The following PEBP4 variants were observed in gnomAD, a reference collection of about 807,000 sequenced individuals.
The protein encoded by PEBP4 is phosphatidylethanolamine binding protein 4.
Under a neutral mutation model 23.9 loss-of-function variants are expected in PEBP4, and 22 were observed. That is an observed-to-expected ratio of 0.92 (90% CI 0.66 to 1.31). The LOEUF is 1.31. Ranked by LOEUF, PEBP4 falls within the 40% of genes most tolerant of loss-of-function variation. The pLI is 0.00. For missense variants in PEBP4, 324 were observed against 281.7 expected (o/e 1.15, Z -1.07); for synonymous variants, 112 against 99.3 (o/e 1.13, Z -0.76).
chr8:22,804,890 A>G (rs557015879), intron 4 of PEBP4, among the ~76,000 whole-genome samples: 2 of 152,214 alleles, frequency 1.3e-5, no homozygotes, highest in East Asian at 3.9e-4. Flanking sequence ...TGATTCTGGA[A>G]CACGCCAGCT....
chr8:22,727,077 G>T, intron 5 of PEBP4, 98 bp downstream of exon 5: 1 of 1,342,996 alleles, frequency 7.4e-7, no homozygotes, highest in Non-Finnish European at 1.1e-6. Flanking sequence ...CTCTCAGGCT[G>T]GTGCTAGCAC....
Position 22,837,799 on chromosome 8 carries a change from C to CTTGTACCT in PEBP4, c.259-20072_259-20065dup, listed in dbSNP as rs761821927. Among the ~76,000 whole-genome samples, 96 of 151,450 alleles carry CTTGTACCT rather than the reference C, an allele frequency of 6.3e-4. 1 individual carries two copies. Among genetic ancestry groups the CTTGTACCT allele is most frequent in the Non-Finnish European group, 1.1e-3 (74 of 67,912 alleles). ...TTCTTTGAACCCCAATAGCATTTTG[C>CTTGTACCT]TTGTACCTTTGCTGAGGCACCTTCC... On this transcript the variant is annotated intron_variant, in intron 3 of 6. Coordinates refer to ENST00000256404, the MANE Select transcript of PEBP4 (RefSeq NM_144962.3).
At chr8:22,777,165 G>A (rs1318853466) in intron 4 of PEBP4, among the ~76,000 whole-genome samples, 1 of 152,010 alleles carries the variant, frequency 6.6e-6, no homozygotes, top group Non-Finnish European at 1.5e-5. Flanking sequence ...GAGGGTGCTG[G>A]CCCCTTCCTC....
intron 4 of PEBP4, among the ~76,000 whole-genome samples, chr8:22,810,601 C>T (rs1320908997): frequency 6.6e-6 from 1 of 151,824 alleles, no homozygotes; most frequent in Non-Finnish European, 1.5e-5. Flanking sequence ...ACCAGCTGCC[C>T]CCTCAGAGCT....
At chr8:22,829,998 G>A (rs1002396214) in intron 3 of PEBP4, among the ~76,000 whole-genome samples, 1 of 152,120 alleles carries the variant, frequency 6.6e-6, no homozygotes, top group African/African-American at 2.4e-5. Context: ...TGCAGTTGAC[G>A]TGGCAGCCCA....
chr8:22,855,257 G>A (rs369642554), intron 3 of PEBP4, among the ~76,000 whole-genome samples: 18 of 152,260 alleles, frequency 1.2e-4, no homozygotes, highest in African/African-American at 4.1e-4. Context: ...GTCGGTGCAC[G>A]GGTCACACCG....
At chr8:22,765,112 T>TTCCTTC (rs1563209075) in intron 4 of PEBP4, among the ~76,000 whole-genome samples, 2 of 101,762 alleles carry the variant, frequency 2.0e-5, no homozygotes, top group Non-Finnish European at 2.2e-5. Context: ...TTCCTTCCTT[T>TTCCTTC]ATTTCTTCCT....
chr8:22,936,170 C>A (rs1809537349), intron 1 of PEBP4, among the ~76,000 whole-genome samples: 1 of 151,686 alleles, frequency 6.6e-6, no homozygotes, highest in African/African-American at 2.4e-5. Flanking sequence ...TTGACACTAT[C>A]AGCCAGATTA....
chr8:22,923,775 G>A (rs1420031858), intron 2 of PEBP4, among the ~76,000 whole-genome samples: 1 of 152,184 alleles, frequency 6.6e-6, no homozygotes, highest in Non-Finnish European at 1.5e-5. Context: ...CATAAGAGAG[G>A]CTGAAGGGAG....
At chr8:22,823,594 G>C (rs1040003393) in intron 3 of PEBP4, among the ~76,000 whole-genome samples, 1 of 151,500 alleles carries the variant, frequency 6.6e-6, no homozygotes, top group Non-Finnish European at 1.5e-5. Context: ...GAAAATGTCT[G>C]AAAAAATACA....
intron 3 of PEBP4, among the ~76,000 whole-genome samples, chr8:22,875,779 C>G (rs1025337024): frequency 2.0e-5 from 3 of 152,002 alleles, no homozygotes; most frequent in African/African-American, 7.3e-5. Context: ...AGAAACCCGG[C>G]GAAGTCTCAA....
rs1462225042 is a variant in PEBP4 at position 22,728,559 on chromosome 8, T to TCTTTCTTCCTTC, written c.358-1340_358-1339insGAAGGAAGAAAG. ...TTCTTCCTTCCTTTCTTTCTTTCTT[T>TCTTTCTTCCTTC]CTTCCTTCCTTCCTTCCTTCCTTCC... On this transcript the variant is annotated intron_variant, in intron 4 of 6. Transcript: ENST00000256404. Among the ~76,000 whole-genome samples, 528 of 96,300 alleles carry TCTTTCTTCCTTC rather than the reference T, an allele frequency of 5.5e-3. 1 individual carries two copies. Among genetic ancestry groups the TCTTTCTTCCTTC allele is most frequent in the Middle Eastern group, 0.026 (6 of 234 alleles). The allele number at this position is 96,300 out of a possible 152,430, so 63.2% of individuals were successfully genotyped here. A position where few individuals can be genotyped will look rare whatever the true frequency, so the allele number is the denominator to read the frequency against.
At chr8:22,836,124 A>C (rs938100034) in intron 3 of PEBP4, among the ~76,000 whole-genome samples, 1 of 152,238 alleles carries the variant, frequency 6.6e-6, no homozygotes. Flanking sequence ...CAAGTTGCCT[A>C]AACTCTCTGG....
At chr8:22,724,263 G>C (rs1405032324) in intron 6 of PEBP4, among the ~76,000 whole-genome samples, 3 of 152,148 alleles carry the variant, frequency 2.0e-5, no homozygotes, top group Admixed American at 2.0e-4. Flanking sequence ...CAGGAGGACC[G>C]AGGCCAAGCA....
In PEBP4 at chr8:22,940,073, C is replaced by A. The variant is rs1319621148; in HGVS notation, c.145-12353G>T. On this transcript the variant is annotated intron_variant, in intron 1 of 1. Coordinates refer to the PEBP4 transcript ENST00000522278. Reference sequence around the variant, plus strand: ...TTGAAAGGTTGAATGTTTTGTCCATCTGGTGGAGGTGAGAATTGAACTTAA... The same window carrying A: ...TTGAAAGGTTGAATGTTTTGTCCATATGGTGGAGGTGAGAATTGAACTTAA... 2.0e-5 allele frequency among the ~76,000 whole-genome samples: 3 copies of A among 152,206 alleles called. No homozygotes were observed. The East Asian group carries it at 5.8e-4, about 29-fold the overall frequency.
intron 3 of PEBP4, among the ~76,000 whole-genome samples, chr8:22,895,222 G>T (rs1053093506): frequency 6.6e-6 from 1 of 152,164 alleles, no homozygotes; most frequent in African/African-American, 2.4e-5. Flanking sequence ...CACTCAGTGG[G>T]TTATCTGAAA....
intron 4 of PEBP4, among the ~76,000 whole-genome samples, chr8:22,741,245 G>A (rs764520341): frequency 7.9e-5 from 12 of 152,152 alleles, no homozygotes; most frequent in East Asian, 5.8e-4. Context: ...CCGTTCTCAC[G>A]TGCCTTGGTC....
chr8:22,724,846 G>A lies in PEBP4; in HGVS notation c.514C>T (p.Arg172Ter), dbSNP rs200713467. 2.7e-5 allele frequency: 44 copies of A among 1,610,822 alleles called. No homozygotes were observed. The East Asian group carries it at 7.6e-4, about 28-fold the overall frequency. The change falls in exon 6 of 7, where the codon CGA (arginine) becomes TGA (stop). Residue 172 changes from arginine to a stop codon, truncating the protein, a stop_gained. Transcript: ENST00000256404. LOFTEE classifies it low-confidence loss of function (END_TRUNC). ...TGGAAGGATGGGGAGGTCTTACCTC[G>A]AGTTTTGTTTTCCTTGGGAAGGAGA... ...ISLLPKENKTRGSWKMDRFLN... is the reference protein window; with the variant it reads ...ISLLPKENKT
At chr8:22,718,803 G>A (rs1804463351) in intron 6 of PEBP4, among the ~76,000 whole-genome samples, 1 of 152,086 alleles carries the variant, frequency 6.6e-6, no homozygotes, top group African/African-American at 2.4e-5. Context: ...GAGGGCGGGG[G>A]CTGGTCTCCA....
Sources: gnomAD v4.1 joint callset for allele counts (sites outside exome capture counted in the v4.1 genomes callset) on GRCh38, gnomAD v4.1.1 for gene constraint, MANE v1.5 for transcripts, NCBI Gene and HGNC (gene_info 2026-07-23, HGNC 2026-07-21) for gene names.